HDAC9: variants seen among roughly 807,000 people sequenced by gnomAD.
HDAC9 encodes histone deacetylase 9, also known as MEF-2 interacting transcription repressor (MITR) protein.
In HDAC9, 41 loss-of-function variants were observed where a neutral mutation model predicts 139.4. The ratio of observed to expected loss-of-function variants is 0.29; its 90% CI spans 0.23 to 0.38. The LOEUF (loss-of-function observed/expected upper bound fraction) is 0.38. Among genes scored for constraint, HDAC9 ranks in the 10% least tolerant of loss-of-function variants. The probability of loss-of-function intolerance (pLI) is 1.00; values close to 1 mark genes in which losing one functional copy is unlikely to be tolerated. For synonymous variants in HDAC9, 517 were observed against 476.2 expected (o/e 1.09, Z -1.12); for missense variants, 1,147 against 1,297.0 (o/e 0.88, Z 1.78).
chr7:18,638,937 G>C (rs1387026071), intron 8 of HDAC9, among the ~76,000 whole-genome samples: 1 of 151,922 alleles, frequency 6.6e-6, no homozygotes, highest in Non-Finnish European at 1.5e-5. Context: ...TTAATACTGT[G>C]GGCCTGTGGG....
chr7:18,559,767 A>G (rs1820013728), intron 2 of HDAC9, among the ~76,000 whole-genome samples: 1 of 152,202 alleles, frequency 6.6e-6, no homozygotes, highest in African/African-American at 2.4e-5. Context: ...AGCTTTGGGA[A>G]TATAACTTTT....
At chr7:18,509,486 A>C in intron 2 of HDAC9, 149 of 969,596 alleles carry the variant, frequency 1.5e-4, no homozygotes, top group Non-Finnish European at 1.6e-4. Context: ...TGATTATCTC[A>C]TTCAATCAGT....
chr7:18,177,632 C>G (rs1380683979), intron 2 of HDAC9, among the ~76,000 whole-genome samples: 2 of 152,164 alleles, frequency 1.3e-5, no homozygotes, highest in South Asian at 4.1e-4. Flanking sequence ...CTGGGTGACG[C>G]TGACATTTGT....
intron 2 of HDAC9, among the ~76,000 whole-genome samples, chr7:18,283,598 C>T (rs1234709193): frequency 6.6e-6 from 1 of 151,990 alleles, no homozygotes; most frequent in African/African-American, 2.4e-5. Flanking sequence ...TACCCGTGGC[C>T]CAATGGTATC....
intron 22 of HDAC9, among the ~76,000 whole-genome samples, chr7:18,918,054 G>A (rs1322206263): frequency 6.6e-6 from 1 of 152,040 alleles, no homozygotes; most frequent in Non-Finnish European, 1.5e-5. Context: ...GAGGATGACG[G>A]ATAATGGATA....
chr7:18,704,942 A>G (rs1306661187), intron 12 of HDAC9, among the ~76,000 whole-genome samples: 1 of 152,338 alleles, frequency 6.6e-6, no homozygotes, highest in South Asian at 2.1e-4. Context: ...TGAGGAAATG[A>G]TATACATCAG....
chr7:18,187,642 T>A (rs1046879460), intron 2 of HDAC9, among the ~76,000 whole-genome samples: 1 of 152,200 alleles, frequency 6.6e-6, no homozygotes, highest in Non-Finnish European at 1.5e-5. Flanking sequence ...TTGCTGCTAC[T>A]ATTCTACTAG....
chr7:18,144,969 G>T (rs1487347214), intron 1 of HDAC9, among the ~76,000 whole-genome samples: 1 of 152,152 alleles, frequency 6.6e-6, no homozygotes, highest in Non-Finnish European at 1.5e-5. Flanking sequence ...TGTTCCTCCT[G>T]TAGAAGTCAG....
intron 2 of HDAC9, among the ~76,000 whole-genome samples, chr7:18,537,512 A>T (rs1811286105): frequency 6.6e-6 from 1 of 152,192 alleles, no homozygotes; most frequent in Non-Finnish European, 1.5e-5. Flanking sequence ...ATAAATAGGG[A>T]TCAAAAGCAG....
intron 12 of HDAC9, among the ~76,000 whole-genome samples, chr7:18,723,910 A>G (rs1785329587): frequency 6.6e-6 from 1 of 152,184 alleles, no homozygotes. Context: ...TATGGCTTCT[A>G]GAAAGTATGA....
At chr7:18,667,498 T>C (rs1362699921) in intron 12 of HDAC9, 1 of 984,572 alleles carries the variant, frequency 1.0e-6, no homozygotes, top group African/African-American at 1.7e-5. Flanking sequence ...TACTTGTATA[T>C]AATGCACCTT....
chr7:18,904,268 C>A (rs1374985623), intron 22 of HDAC9, among the ~76,000 whole-genome samples: 1 of 152,098 alleles, frequency 6.6e-6, no homozygotes, highest in Non-Finnish European at 1.5e-5. Context: ...CATTCTTCTT[C>A]CCAGTCCAAC....
At chr7:18,090,046 T>C (rs1253765936) in intron 1 of HDAC9, among the ~76,000 whole-genome samples, 3 of 152,202 alleles carry the variant, frequency 2.0e-5, no homozygotes, top group Non-Finnish European at 1.5e-5. Flanking sequence ...TGCAGATATA[T>C]ACAATTGTTT....
intron 4 of HDAC9, among the ~76,000 whole-genome samples, 182 bp downstream of exon 4, chr7:18,590,668 G>A (rs940757552): frequency 3.3e-5 from 5 of 152,182 alleles, no homozygotes; most frequent in Non-Finnish European, 5.9e-5. Flanking sequence ...ACATCATTGA[G>A]TCTGCAGAGC....
intron 16 of HDAC9, among the ~76,000 whole-genome samples, chr7:18,781,224 C>G (rs1020629514): frequency 1.3e-5 from 2 of 151,986 alleles, no homozygotes; most frequent in Non-Finnish European, 2.9e-5. Flanking sequence ...TTATTGATTG[C>G]TGAATACAGT....
chr7:18,968,085 C>A (rs975561233), intron 24 of HDAC9, among the ~76,000 whole-genome samples: 5 of 152,016 alleles, frequency 3.3e-5, no homozygotes, highest in South Asian at 2.1e-4. Context: ...TCGCTTGAAC[C>A]CGGGAGGCGG....
rs1782572866 is a variant in HDAC9 at position 18,348,186 on chromosome 7, A to T, written c.-42+57671A>T. ...AGCACAAGCACCCCAGGTAATTCTT[A>T]TGATCAGGAGAATTTGGGAAACATT... On this transcript the variant is annotated intron_variant, in intron 1 of 3. Transcript: ENST00000413509. Among the ~76,000 whole-genome samples, 3 of 152,190 alleles carry T rather than the reference A, an allele frequency of 2.0e-5. No individual in the cohort carries two copies. The South Asian group carries it at 6.2e-4, about 31-fold the overall frequency.
At chr7:18,863,129 C>A (rs950741645) in intron 21 of HDAC9, among the ~76,000 whole-genome samples, 3 of 152,136 alleles carry the variant, frequency 2.0e-5, no homozygotes, top group African/African-American at 7.2e-5. Context: ...AACAGTGAAG[C>A]CACAGTAGAA....
chr7:18,171,264 A>G (rs538690064), intron 2 of HDAC9, among the ~76,000 whole-genome samples: 1 of 152,290 alleles, frequency 6.6e-6, no homozygotes, highest in Admixed American at 6.5e-5. Flanking sequence ...ATTGGTGTAT[A>G]GGAATGCTGG....
Sources: gnomAD v4.1 joint callset for allele counts (sites outside exome capture counted in the v4.1 genomes callset) on GRCh38, gnomAD v4.1.1 for gene constraint, MANE v1.5 for transcripts, NCBI Gene and HGNC (gene_info 2026-07-23, HGNC 2026-07-21) for gene names.